Variants in GPR89B observed in about 807,000 individuals in gnomAD.
GPR89B encodes the protein golgi pH regulator B, also known as G protein-coupled receptor 89B.
Under a neutral mutation model 52.4 loss-of-function variants are expected in GPR89B, and 25 were observed. The ratio of observed to expected loss-of-function variants is 0.48; its 90% confidence interval spans 0.35 to 0.67. GPR89B has a LOEUF of 0.67. GPR89B is among the 30% of genes least tolerant of loss of function. The pLI is 0.01. For missense variants in GPR89B, 146 were observed against 450.2 expected (o/e 0.32, Z 6.11); for synonymous variants, 52 against 151.2 (o/e 0.34, Z 4.81).
intron 10 of GPR89B, 134 bp downstream of exon 10, chr1:147,970,093 A>G: frequency 1.0e-6 from 1 of 982,110 alleles, no homozygotes; most frequent in Non-Finnish European, 1.5e-6. Flanking sequence ...ATGATCTTCC[A>G]CATCTCTGGG....
rs377701576 is a variant in GPR89B, at chr1:147,943,570, C to T, written c.313+26C>T. The T allele has an allele frequency of 5.0e-5, 81 of 1,612,406 alleles. 1 individual carries two copies. The African/African-American group carries it at 6.4e-4, about 13-fold the overall frequency. ...GTAAGTATTTTACCCTCTCAGTCAG[C>T]GTATAGATTGAGATGAGTATTTGAG... is the stretch of plus-strand genomic sequence containing the variant. On this transcript the variant is annotated intron_variant, in intron 4 of 13. Transcript: ENST00000314163.
chr1:148,009,387 A>T, the GPR89B span: 1 of 1,611,878 alleles, frequency 6.2e-7, no homozygotes, highest in African/African-American at 1.3e-5. Context: ...TCCCTCCTTC[A>T]CGAGATAGCA....
At chr1:147,994,357 G>C, downstream of GPR89B, 1 of 1,490,248 alleles carries the variant, frequency 6.7e-7, no homozygotes, top group Non-Finnish European at 9.3e-7. Flanking sequence ...CTGTGGGCCT[G>C]TGTATAAGAA....
chr1:147,979,715 C>G (rs1658095300), intron 10 of GPR89B, among the ~76,000 whole-genome samples: 1 of 151,828 alleles, frequency 6.6e-6, no homozygotes, highest in South Asian at 2.1e-4. Context: ...ATCTTGCATT[C>G]CTAGAATAAA....
At chr1:148,024,680 T>A in the GPR89B span, 2 of 142,092 alleles carry the variant, frequency 1.4e-5, no homozygotes, top group African/African-American at 5.4e-5. Flanking sequence ...TGGGAGATGG[T>A]CATCAGAGAC....
intron 8 of GPR89B, 88 bp from the exon 9 acceptor site, chr1:147,968,787 T>G: frequency 6.2e-7 from 1 of 1,605,892 alleles, no homozygotes; most frequent in Non-Finnish European, 8.5e-7. Context: ...GGGAATCCAC[T>G]GTAGGAAAAA....
downstream of GPR89B, among the ~76,000 whole-genome samples, chr1:147,997,460 A>T (rs1659343385): frequency 6.6e-6 from 1 of 152,072 alleles, no homozygotes; most frequent in Non-Finnish European, 1.5e-5. Flanking sequence ...GGACTCTAAG[A>T]TCTACAGCCG....
chr1:148,020,476 G>C, the GPR89B span, among the ~76,000 whole-genome samples: 1 of 151,428 alleles, frequency 6.6e-6, no homozygotes. Context: ...GTCAGGAGGC[G>C]TTGGCAGTTC....
chr1:147,929,751 A>T (rs1188019171), intron 1 of GPR89B, among the ~76,000 whole-genome samples: 1 of 152,056 alleles, frequency 6.6e-6, no homozygotes, highest in African/African-American at 2.4e-5. Flanking sequence ...ATAAGAAAGA[A>T]GGAAAAGCCA....
intron 7 of GPR89B, among the ~76,000 whole-genome samples, chr1:147,958,020 C>T (rs1439539153): frequency 1.3e-5 from 2 of 151,150 alleles, no homozygotes; most frequent in Admixed American, 1.3e-4. Flanking sequence ...GCCCACATCG[C>T]GCCACTGCAC....
chr1:147,941,430 C>CA (rs60767963), intron 3 of GPR89B, among the ~76,000 whole-genome samples: 6,388 of 151,542 alleles, frequency 0.042, 202 homozygotes, highest in African/African-American at 0.071. Context: ...CCTAGAGGAG[C>CA]AAAAGCTGTC....
chr1:147,940,198 TC>T (rs1189147216), intron 3 of GPR89B, among the ~76,000 whole-genome samples: 1 of 151,860 alleles, frequency 6.6e-6, no homozygotes, highest in Non-Finnish European at 1.5e-5. Context: ...GGTCAGGAGA[TC>T]AAGACCATCC....
At chr1:147,961,405 A>G (rs1256186472) in intron 7 of GPR89B, among the ~76,000 whole-genome samples, 1 of 152,246 alleles carries the variant, frequency 6.6e-6, no homozygotes, top group Non-Finnish European at 1.5e-5. Flanking sequence ...AAAAGTAAAG[A>G]GAAAATCTTG....
At chr1:148,013,641 A>G in the GPR89B span, among the ~76,000 whole-genome samples, 5 of 151,794 alleles carry the variant, frequency 3.3e-5, no homozygotes, top group Non-Finnish European at 4.4e-5. Context: ...GGGCCACGCG[A>G]CCCAGGCCCT....
intron 12 of GPR89B, among the ~76,000 whole-genome samples, chr1:147,991,583 G>A (rs1659071900): frequency 6.6e-6 from 1 of 152,040 alleles, no homozygotes; most frequent in African/African-American, 2.4e-5. Flanking sequence ...TTGGCTGTGG[G>A]TTTGTCATAA....
In GPR89B at chr1:147,934,166, ATTCG is replaced by A. The variant is rs1347050221; in HGVS notation, c.43-2458_43-2455del. Among the ~76,000 whole-genome samples the A allele has an allele frequency of 2.7e-5, 4 of 149,648 alleles. No individual in the cohort carries two copies. The East Asian group carries it at 7.9e-4, about 29-fold the overall frequency. On this transcript the variant is annotated intron_variant, in intron 1 of 13. Transcript: ENST00000314163. Reference sequence around the variant, plus strand: ...CTACCACCTGTTTTTACCCTACCTGATTCGTTTTTTGTTTGTTTGTTTTGTTTTG... The same window carrying A: ...CTACCACCTGTTTTTACCCTACCTGATTTTTTGTTTGTTTGTTTTGTTTTG...
At chr1:147,957,325 G>A (rs1179820958) in intron 7 of GPR89B, among the ~76,000 whole-genome samples, 1 of 151,924 alleles carries the variant, frequency 6.6e-6, no homozygotes, top group Admixed American at 6.6e-5. Flanking sequence ...GTTACTTTAT[G>A]TCTTTGTGCC....
At chr1:147,970,569 C>CTCTATA (rs1553253167) in intron 10 of GPR89B, among the ~76,000 whole-genome samples, 2 of 142,578 alleles carry the variant, frequency 1.4e-5, no homozygotes, top group African/African-American at 5.3e-5. Context: ...CTCTCTCTCT[C>CTCTATA]TATATATATA....
chr1:147,977,512 A>G (rs878930618), intron 10 of GPR89B, among the ~76,000 whole-genome samples: 3 of 151,996 alleles, frequency 2.0e-5, no homozygotes, highest in South Asian at 4.1e-4. Context: ...TGCTAGCTTG[A>G]AGAAGTTCTG....
Sources: gnomAD v4.1 joint callset for allele counts (sites outside exome capture counted in the v4.1 genomes callset) on GRCh38, gnomAD v4.1.1 for gene constraint, MANE v1.5 for transcripts, NCBI Gene and HGNC (gene_info 2026-07-23, HGNC 2026-07-21) for gene names.